The following TAF3 variants were observed in gnomAD, a reference collection of about 807,000 sequenced individuals.
TAF3 encodes the protein transcription initiation factor TFIID subunit 3.
In TAF3, 7 loss-of-function variants were observed where a neutral mutation model predicts 80.6. That is an observed-to-expected ratio of 0.09 (90% CI 0.05 to 0.16). The LOEUF (loss-of-function observed/expected upper bound fraction) is 0.16, where lower values mean the gene tolerates loss of function less well. TAF3 is among the 10% of genes least tolerant of loss of function. The probability of loss-of-function intolerance (pLI) is 1.00; values close to 1 mark genes in which losing one functional copy is unlikely to be tolerated. For synonymous variants in TAF3, 444 were observed against 446.1 expected (o/e 1.00, Z 0.06); for missense variants, 921 against 1,140.2 (o/e 0.81, Z 2.77).
chr10:7,941,109 G>A (rs1837972030), intron 2 of TAF3, among the ~76,000 whole-genome samples: 1 of 152,118 alleles, frequency 6.6e-6, no homozygotes, highest in African/African-American at 2.4e-5. Context: ...AACATAGAGA[G>A]CCACAAATAT....
intron 3 of TAF3, among the ~76,000 whole-genome samples, chr10:7,974,380 A>T (rs1380075275): frequency 6.6e-6 from 1 of 152,194 alleles, no homozygotes; most frequent in East Asian, 1.9e-4. Flanking sequence ...TGATGAGATG[A>T]AATACTTATA....
intron 3 of TAF3, among the ~76,000 whole-genome samples, chr10:7,973,293 C>T (rs1027377922): frequency 3.3e-5 from 5 of 152,134 alleles, no homozygotes; most frequent in Non-Finnish European, 5.9e-5. Context: ...AAAGGTAGGT[C>T]AAACAGCTTT....
chr10:7,938,059 T>C (rs190245212), intron 2 of TAF3, among the ~76,000 whole-genome samples: 7 of 152,342 alleles, frequency 4.6e-5, no homozygotes, highest in African/African-American at 1.7e-4. Flanking sequence ...TGTATTTAGA[T>C]GTGAAGTATG....
intron 2 of TAF3, among the ~76,000 whole-genome samples, chr10:7,881,881 A>T (rs1477853644): frequency 2.6e-5 from 4 of 152,234 alleles, no homozygotes. Flanking sequence ...GATTTTTGTG[A>T]TTCTTGAGCA....
At chr10:8,005,491 C>A (rs1247262328) in intron 4 of TAF3, among the ~76,000 whole-genome samples, 1 of 152,202 alleles carries the variant, frequency 6.6e-6, no homozygotes, top group African/African-American at 2.4e-5. Flanking sequence ...GGGTATAGCC[C>A]ATTGGGAATC....
At chr10:7,960,505 T>C (rs1282199349) in intron 2 of TAF3, among the ~76,000 whole-genome samples, 1 of 152,162 alleles carries the variant, frequency 6.6e-6, no homozygotes, top group African/African-American at 2.4e-5. Flanking sequence ...GAATAGGTAA[T>C]ACTTGAGAGC....
At chr10:7,859,478 T>C (rs901710605) in intron 2 of TAF3, among the ~76,000 whole-genome samples, 8 of 152,116 alleles carry the variant, frequency 5.3e-5, no homozygotes, top group Non-Finnish European at 1.0e-4. Context: ...GGGACCCATA[T>C]TCCAACATCG....
chr10:7,899,887 A>G (rs929896761), intron 2 of TAF3, among the ~76,000 whole-genome samples: 1 of 152,208 alleles, frequency 6.6e-6, no homozygotes, highest in Admixed American at 6.5e-5. Context: ...GTAAACTGCA[A>G]TATTAGTGAC....
chr10:7,846,844 T>C (rs957844648), intron 2 of TAF3, among the ~76,000 whole-genome samples: 2 of 152,160 alleles, frequency 1.3e-5, no homozygotes, highest in Admixed American at 1.3e-4. Flanking sequence ...AAATAATAAG[T>C]GGAAGAATGA....
chr10:7,913,986 G>A (rs1217183803), intron 2 of TAF3, among the ~76,000 whole-genome samples: 1 of 152,092 alleles, frequency 6.6e-6, no homozygotes, highest in Non-Finnish European at 1.5e-5. Flanking sequence ...AAGAGAGCAG[G>A]GGGGAACCAT....
intron 2 of TAF3, among the ~76,000 whole-genome samples, chr10:7,886,511 G>C (rs1265576684): frequency 1.3e-5 from 2 of 152,102 alleles, no homozygotes; most frequent in Non-Finnish European, 2.9e-5. Context: ...TATAGACCTG[G>C]CTTAAAAATT....
At position 8,009,118 on chromosome 10, in the gene TAF3, G is replaced by A; in HGVS notation, c.2356G>A (p.Ala786Thr). ...KVVPAPEAKP[A>T]PSQNRPKTPP... Reference sequence around the variant, plus strand: ...GGTCCCTGCCCCCGAGGCCAAGCCGGCGCCCTCGCAGAACAGGCCGAAGAC... The same window carrying A: ...GGTCCCTGCCCCCGAGGCCAAGCCGACGCCCTCGCAGAACAGGCCGAAGAC... Residue 786 changes from alanine to threonine, a missense_variant, in exon 5 of 7, where the codon GCG becomes ACG. This residue lies in a region of TAF3 where 743 missense variants were observed against 821.0 expected (regional missense o/e 0.90). Transcript: ENST00000344293. The surrounding 1 kb of genome is among the most constrained non-coding windows in gnomAD (Gnocchi z 4.1). 2 of 1,600,730 alleles carry A rather than the reference G, an allele frequency of 1.2e-6. No homozygotes were observed. The highest frequency in any genetic ancestry group is 1.7e-4 in the Middle Eastern group (1 of 6,016).
chr10:7,915,970 T>C lies in TAF3; in HGVS notation c.410-47950T>C, dbSNP rs1837707818. ...TCCAGCCTGGGTGACAGAGTAAGAC[T>C]GTCTAAAAAAAAAGAAAAAAAAAAA... On this transcript the variant is annotated intron_variant, in intron 2 of 6. Coordinates refer to ENST00000344293, the MANE Select transcript of TAF3 (RefSeq NM_031923.4). 3.3e-5 allele frequency among the ~76,000 whole-genome samples: 5 copies of C among 150,280 alleles called. No homozygotes were observed. The South Asian group carries it at 1.0e-3, about 32-fold the overall frequency.
At chr10:7,860,533 CT>C (rs1837133696) in intron 2 of TAF3, among the ~76,000 whole-genome samples, 1 of 152,058 alleles carries the variant, frequency 6.6e-6, no homozygotes, top group African/African-American at 2.4e-5. Context: ...GATACTTCCC[CT>C]CATGTACTAC....
intron 1 of TAF3, among the ~76,000 whole-genome samples, chr10:7,822,561 C>T (rs1836700915): frequency 6.6e-6 from 1 of 152,096 alleles, no homozygotes; most frequent in African/African-American, 2.4e-5. Context: ...CAGCCCTCGC[C>T]TCTACTGCAG....
In TAF3 at chr10:7,964,113, A is replaced by AGGG; in HGVS notation, c.605_607dup (p.Gly202dup). 1 of 1,614,130 alleles carries AGGG rather than the reference A, an allele frequency of 6.2e-7. No individual in the cohort carries two copies. On this transcript the variant is annotated inframe_insertion, in exon 3 of 7. Coordinates refer to ENST00000344293, the MANE Select transcript of TAF3 (RefSeq NM_031923.4). The surrounding 1 kb of genome is among the most constrained non-coding windows in gnomAD (Gnocchi z 4.1). ...AGCGGCCTCGGCTATTAAGCACTAAAGGGGACACGCTAGATGTTGTGTTAT... is the reference window on the plus strand; with the variant it reads ...AGCGGCCTCGGCTATTAAGCACTAAAGGGGGGGACACGCTAGATGTTGTGTTAT...
At chr10:7,879,456 C>G (rs1349030057) in intron 2 of TAF3, among the ~76,000 whole-genome samples, 2 of 152,158 alleles carry the variant, frequency 1.3e-5, no homozygotes, top group Non-Finnish European at 2.9e-5. Context: ...GACACCCACC[C>G]TCATCTTTGT....
At chr10:7,875,962 A>G (rs1280668337) in intron 2 of TAF3, among the ~76,000 whole-genome samples, 1 of 151,874 alleles carries the variant, frequency 6.6e-6, no homozygotes, top group East Asian at 1.9e-4. Flanking sequence ...ATCTTATATT[A>G]CTATTAAACT....
rs60159100 is a variant in TAF3 at position 7,902,485 on chromosome 10, A to G, written c.410-61435A>G. On this transcript the variant is annotated intron_variant, in intron 2 of 6. Coordinates refer to ENST00000344293, the MANE Select transcript of TAF3 (RefSeq NM_031923.4). ...GATGTTATTAAGAGTCCGGGCCAAT[A>G]TTGACTGCGTGTGGTTGTTTTCTCA... 7.5e-3 allele frequency among the ~76,000 whole-genome samples: 1,148 copies of G among 152,224 alleles called. 13 individuals are homozygous for G. Among genetic ancestry groups the G allele is most frequent in the African/African-American group, 0.026 (1,081 of 41,526 alleles).
Sources: allele counts gnomAD v4.1 joint callset (sites outside exome capture counted in the v4.1 genomes callset), GRCh38; gene constraint gnomAD v4.1.1; regional missense constraint gnomAD v4.1.1; non-coding constraint Gnocchi (gnomAD v3.1); transcripts MANE v1.5; gene names NCBI Gene and HGNC (gene_info 2026-07-23, HGNC 2026-07-21).